Variants in RERE observed in about 807,000 individuals in gnomAD.
RERE encodes the protein arginine-glutamic acid dipeptide repeats, also known as arginine-glutamic acid dipeptide repeats protein.
RERE carries 40 observed loss-of-function variants against 146.1 expected under a neutral mutation model. The observed-to-expected ratio is 0.27, with a 90% confidence interval of 0.21 to 0.36. The LOEUF (loss-of-function observed/expected upper bound fraction) is 0.36, where lower values mean the gene tolerates loss of function less well. Ranked by LOEUF, RERE falls within the 10% of genes least tolerant of loss-of-function variation. The pLI, the probability that RERE is intolerant of heterozygous loss-of-function variation, is 1.00. For synonymous variants in RERE, 1,003 were observed against 866.0 expected, an observed-to-expected ratio of 1.16 and a Z score of -2.78; for missense variants, 1,933 against 2,138.7, an observed-to-expected ratio of 0.90 and a Z score of 1.90.
chr1:8,680,849 T>C (rs1283768075), intron 1 of RERE, among the ~76,000 whole-genome samples: 3 of 152,100 alleles, frequency 2.0e-5, no homozygotes, highest in Non-Finnish European at 4.4e-5. Flanking sequence ...TGAAAAACAC[T>C]ATAGCCCGGG....
chr1:8,397,546 C>G (rs1408090870), intron 12 of RERE, among the ~76,000 whole-genome samples: 1 of 151,690 alleles, frequency 6.6e-6, no homozygotes, highest in Admixed American at 6.6e-5. Context: ...CTTTCTGATC[C>G]CAGTTACCAA....
chr1:8,425,133 A>C (rs1237963297), intron 11 of RERE: 1 of 152,190 alleles, frequency 6.6e-6, no homozygotes, highest in Non-Finnish European at 1.5e-5. Context: ...GAGGCTGCTG[A>C]CACAGTTCAG....
intron 6 of RERE, 123 bp from the exon 7 acceptor site, chr1:8,541,441 C>A (rs1299867035): frequency 1.7e-6 from 1 of 596,880 alleles, no homozygotes; most frequent in East Asian, 2.8e-5. Context: ...CGGCTACAAA[C>A]ACCACACTTT....
At chr1:8,650,683 A>T (rs1238435305) in intron 2 of RERE, among the ~76,000 whole-genome samples, 1 of 151,894 alleles carries the variant, frequency 6.6e-6, no homozygotes, top group African/African-American at 2.4e-5. Context: ...CAGATCACAA[A>T]GTCAGGAGAT....
chr1:8,573,258 C>T (rs1306959036), intron 4 of RERE, among the ~76,000 whole-genome samples: 1 of 152,170 alleles, frequency 6.6e-6, no homozygotes, highest in Non-Finnish European at 1.5e-5. Context: ...CCTGTGGAAC[C>T]TGCCTACAGC....
intron 12 of RERE, among the ~76,000 whole-genome samples, chr1:8,417,344 G>A (rs1430512044): frequency 6.6e-6 from 1 of 152,200 alleles, no homozygotes; most frequent in East Asian, 1.9e-4. Context: ...TTAATGGCCA[G>A]TAGTTACGTA....
At chr1:8,554,160 TG>T (rs1444757621) in intron 6 of RERE, among the ~76,000 whole-genome samples, 2 of 152,190 alleles carry the variant, frequency 1.3e-5, no homozygotes, top group East Asian at 3.8e-4. Flanking sequence ...AGCTCCAGCC[TG>T]GGTGACAGAG....
intron 1 of RERE, among the ~76,000 whole-genome samples, chr1:8,704,565 T>C (rs763880104): frequency 6.6e-6 from 1 of 152,206 alleles, no homozygotes; most frequent in Non-Finnish European, 1.5e-5. Context: ...CAGAGAAATT[T>C]AGACAGATTA....
chr1:8,761,774 T>G (rs1291440184), intron 1 of RERE, among the ~76,000 whole-genome samples: 1 of 151,582 alleles, frequency 6.6e-6, no homozygotes, highest in Middle Eastern at 3.2e-3. Context: ...TACAAAAAAA[T>G]AGTCGGGCGT....
At chr1:8,377,111 C>T (rs1361635925) in intron 12 of RERE, among the ~76,000 whole-genome samples, 2 of 152,278 alleles carry the variant, frequency 1.3e-5, no homozygotes, top group East Asian at 3.9e-4. Flanking sequence ...TTGGAAACCA[C>T]TCATTTGAAG....
intron 10 of RERE, among the ~76,000 whole-genome samples, chr1:8,470,070 C>T (rs1644659935): frequency 6.6e-6 from 1 of 152,074 alleles, no homozygotes; most frequent in African/African-American, 2.4e-5. Flanking sequence ...TATATAATGG[C>T]GGATTCTCTC....
At chr1:8,629,548 T>C (rs1647011287) in intron 2 of RERE, among the ~76,000 whole-genome samples, 1 of 152,118 alleles carries the variant, frequency 6.6e-6, no homozygotes, top group Non-Finnish European at 1.5e-5. Context: ...TTTATGTAAA[T>C]ATAGCAAAAG....
chr1:8,575,686 C>A (rs951867942), intron 4 of RERE, among the ~76,000 whole-genome samples: 2 of 151,206 alleles, frequency 1.3e-5, no homozygotes, highest in African/African-American at 4.9e-5. Flanking sequence ...GGCCATTGTG[C>A]CCACCTCAAA....
chr1:8,547,973 G>C (rs1020343770), intron 6 of RERE, among the ~76,000 whole-genome samples: 2 of 152,158 alleles, frequency 1.3e-5, no homozygotes, highest in Non-Finnish European at 2.9e-5. Flanking sequence ...ATGCACAAGA[G>C]AGCAGTTATA....
chr1:8,388,619 C>T (rs1381488604), intron 12 of RERE, among the ~76,000 whole-genome samples: 2 of 152,164 alleles, frequency 1.3e-5, no homozygotes, highest in Non-Finnish European at 2.9e-5. Flanking sequence ...GCGCCCGGCC[C>T]AGTCTGTGCA....
At chr1:8,611,386 C>T (rs1353110718) in intron 4 of RERE, among the ~76,000 whole-genome samples, 4 of 151,400 alleles carry the variant, frequency 2.6e-5, no homozygotes, top group Non-Finnish European at 5.9e-5. Flanking sequence ...CACCTGTAAC[C>T]CCAGCTACTC....
chr1:8,502,066 C>A (rs1236521689), intron 8 of RERE, among the ~76,000 whole-genome samples: 3 of 92,130 alleles, frequency 3.3e-5, no homozygotes, highest in Non-Finnish European at 4.6e-5. Flanking sequence ...TGGCCAGCCG[C>A]CCCGTCCGGG....
At chr1:8,747,088 G>A (rs943969860) in intron 1 of RERE, among the ~76,000 whole-genome samples, 7 of 151,826 alleles carry the variant, frequency 4.6e-5, no homozygotes, top group Non-Finnish European at 5.9e-5. Context: ...TGCAAGCTCC[G>A]CCTCCCGGGT....
Position 8,352,582 on chromosome 1 carries a change from C to T in RERE, c.*2505G>A, listed in dbSNP as rs1202429055. ...CAAGATATATAGAAACGTAGCAAAT[C>T]CGAGTGTGCACGCTGCCTCTGCCGC... On this transcript the variant is annotated 3_prime_UTR_variant, in exon 23 of 23. Transcript: ENST00000400908. 3.9e-5 allele frequency: 6 copies of T among 152,352 alleles called. No individual in the cohort carries two copies. The highest frequency in any genetic ancestry group is 1.4e-4 in the African/African-American group (6 of 41,426). The allele number at this position is 152,352 out of a possible 1,614,324, so 9.4% of individuals were successfully genotyped here.
Sources: allele counts gnomAD v4.1 joint callset (sites outside exome capture counted in the v4.1 genomes callset), GRCh38; gene constraint gnomAD v4.1.1; transcripts MANE v1.5; gene names NCBI Gene and HGNC (gene_info 2026-07-23, HGNC 2026-07-21).